VPS13D: variants seen among roughly 807,000 people sequenced by gnomAD.
The protein encoded by VPS13D is intermembrane lipid transfer protein VPS13D.
In VPS13D, 187 loss-of-function variants were observed where a neutral mutation model predicts 461.9. That is an observed-to-expected ratio of 0.40 (90% CI 0.36 to 0.46). The LOEUF is 0.46. Ranked by LOEUF, VPS13D falls within the 20% of genes least tolerant of loss-of-function variation. The pLI is 0.60. For missense variants in VPS13D, 4,711 were observed against 5,364.9 expected, an observed-to-expected ratio of 0.88 and a Z score of 3.81; for synonymous variants, 1,951 against 1,986.3, an observed-to-expected ratio of 0.98 and a Z score of 0.47.
At chr1:12,268,104 C>T (rs1252967042) in intron 15 of VPS13D, among the ~76,000 whole-genome samples, 184 bp downstream of exon 15, 1 of 151,892 alleles carries the variant, frequency 6.6e-6, no homozygotes, top group Non-Finnish European at 1.5e-5. Context: ...TGTGTGCCAC[C>T]ATGTCTGGGT....
intron 67 of VPS13D, among the ~76,000 whole-genome samples, chr1:12,480,419 G>A (rs564187077): frequency 6.6e-6 from 1 of 152,292 alleles, no homozygotes; most frequent in African/African-American, 2.4e-5. Context: ...AGAGGTAGGA[G>A]AAGAGACTAA....
chr1:12,371,433 C>G (rs1275411681), intron 54 of VPS13D, among the ~76,000 whole-genome samples: 1 of 150,764 alleles, frequency 6.6e-6, no homozygotes, highest in South Asian at 2.1e-4. Flanking sequence ...TCTTGTTTCC[C>G]AGGCTGGAGT....
chr1:12,256,200 A>G (rs1405454940), intron 7 of VPS13D, 133 bp from the exon 8 acceptor site: 2 of 1,006,360 alleles, frequency 2.0e-6, no homozygotes, highest in Non-Finnish European at 1.4e-6. Context: ...AACAAAACAG[A>G]CAAAAATATT....
intron 7 of VPS13D, among the ~76,000 whole-genome samples, chr1:12,255,099 C>T (rs966139238): frequency 9.9e-5 from 15 of 151,886 alleles, no homozygotes; most frequent in African/African-American, 3.1e-4. Flanking sequence ...GTGCATGCCA[C>T]CACGCCCAGC....
intron 2 of VPS13D, among the ~76,000 whole-genome samples, chr1:12,238,801 G>A (rs61314476): frequency 0.061 from 9,242 of 151,826 alleles, 447 homozygotes; most frequent in Admixed American, 0.14. Flanking sequence ...ATACCTGGGT[G>A]ATTTTTTATT....
chr1:12,278,520 C>G (rs1176828479), intron 19 of VPS13D, among the ~76,000 whole-genome samples: 3 of 152,324 alleles, frequency 2.0e-5, no homozygotes, highest in African/African-American at 7.2e-5. Context: ...GGTGATCTGC[C>G]TGCCTCGGCC....
intron 60 of VPS13D, among the ~76,000 whole-genome samples, chr1:12,391,756 A>G (rs1044128384): frequency 3.3e-5 from 5 of 152,186 alleles, no homozygotes; most frequent in African/African-American, 9.7e-5. Context: ...CTGTAAATCT[A>G]TGTGATCAAA....
In VPS13D at chr1:12,256,447, A is replaced by T. The variant is rs1397120656; in HGVS notation, c.784A>T (p.Ser262Cys). 1 of 1,614,060 alleles carries T rather than the reference A, an allele frequency of 6.2e-7. No homozygotes were observed. The highest frequency in any genetic ancestry group is 8.5e-7 in the Non-Finnish European group (1 of 1,180,030). ...CSKKPLRSRH[S>C]PRIDCDIQLE... ...CAAGAAGCCCCTGCGGTCTCGGCACAGTCCCCGTATTGATTGTGATATTCA... is the reference window on the plus strand; with the variant it reads ...CAAGAAGCCCCTGCGGTCTCGGCACTGTCCCCGTATTGATTGTGATATTCA... Residue 262 changes from serine (S) to cysteine (C), a missense_variant, in exon 8 of 70, where the codon AGT (serine) becomes TGT (cysteine). By Grantham distance (112) the Ser-to-Cys change is moderately radical. Coordinates refer to ENST00000620676, the MANE Select transcript of VPS13D (RefSeq NM_015378.4).
At chr1:12,329,211 T>A (rs1327163030) in intron 36 of VPS13D, among the ~76,000 whole-genome samples, 2 of 152,298 alleles carry the variant, frequency 1.3e-5, no homozygotes, top group Admixed American at 1.3e-4. Flanking sequence ...ATCTTTTTTT[T>A]ATTTTTTATC....
intron 65 of VPS13D, among the ~76,000 whole-genome samples, chr1:12,429,167 A>G (rs1052781062): frequency 2.0e-5 from 3 of 152,044 alleles, no homozygotes; most frequent in South Asian, 4.2e-4. Context: ...AAGGAAAATT[A>G]AAGTGATCCA....
In VPS13D at chr1:12,232,218, C is replaced by T. The variant is rs564204661; in HGVS notation, c.-76-1973C>T. On this transcript the variant is annotated intron_variant, in intron 1 of 69. Transcript: ENST00000620676. ...ACCAAATGCTGTTTTTTTCTTTTTG[C>T]TGTCACTGTTGACCAATAAAAGTTA... 1.4e-4 allele frequency among the ~76,000 whole-genome samples: 21 copies of T among 151,980 alleles called. 1 individual carries two copies. In the South Asian group the frequency reaches 4.1e-3, roughly 30 times the overall value.
intron 67 of VPS13D, among the ~76,000 whole-genome samples, chr1:12,488,669 C>CAAAAAAAAAAAAAAAAA: frequency 1.2e-5 from 1 of 82,820 alleles, no homozygotes; most frequent in Non-Finnish European, 2.5e-5. Context: ...TCATTTGAAC[C>CAAAAAAAAAAAAAAAAA]AAAAAAAAAA....
rs1460456233 is a variant in VPS13D at position 12,363,091 on chromosome 1, G to A, written c.10292G>A (p.Gly3431Asp). Residue 3431 changes from glycine (G) to aspartate (D), a missense_variant, in exon 52 of 70, where the codon GGT becomes GAT. Transcript: ENST00000620676. ...ARGQGTANPE[G>D]YISTLPGSSV... ...TTTTAGGGAACAGCCAATCCCGAAGGTTACATTTCCACCCTTCCTGGTTCC... is the reference window on the plus strand; with the variant it reads ...TTTTAGGGAACAGCCAATCCCGAAGATTACATTTCCACCCTTCCTGGTTCC... 7 of 1,614,138 alleles carry A rather than the reference G, an allele frequency of 4.3e-6. No individual in the cohort carries two copies. Among genetic ancestry groups the A allele is most frequent in the Non-Finnish European group, 5.9e-6 (7 of 1,180,016 alleles).
intron 9 of VPS13D, 67 bp from the exon 10 acceptor site, chr1:12,257,868 C>T: frequency 6.3e-7 from 1 of 1,583,376 alleles, no homozygotes; most frequent in Admixed American, 1.7e-5. Flanking sequence ...TGTGGATTGT[C>T]CTGGATTGGT....
intron 5 of VPS13D, among the ~76,000 whole-genome samples, chr1:12,246,498 C>T (rs1252674498): frequency 6.6e-6 from 1 of 152,056 alleles, no homozygotes; most frequent in South Asian, 2.1e-4. Context: ...TTTCAAAATC[C>T]CCCCCAAAAA....
rs1158867520 is a variant in VPS13D at position 12,279,988 on chromosome 1, A to G, written c.4602+338A>G. ...GATATCATTCTTGTCACACTTAGAC[A>G]TACTTAACACAGCCAGTGAAACATT... On this transcript the variant is annotated intron_variant, in intron 20 of 69. Transcript: ENST00000620676. This position sits in a 1 kb window ranked among gnomAD's most constrained non-coding sequence, Gnocchi z 4.3. Among the ~76,000 whole-genome samples the G allele has an allele frequency of 6.6e-6, 1 of 152,212 alleles. No homozygotes were observed. Among genetic ancestry groups the G allele is most frequent in the African/African-American group, 2.4e-5 (1 of 41,466 alleles).
At chr1:12,329,776 C>A in intron 36 of VPS13D, 53 bp from the exon 37 acceptor site, 1 of 1,394,276 alleles carries the variant, frequency 7.2e-7, no homozygotes, top group Non-Finnish European at 1.0e-6. Context: ...CAGCAAAAGG[C>A]AGTTTTGGTT....
intron 29 of VPS13D, among the ~76,000 whole-genome samples, chr1:12,313,473 G>A (rs1642812072): frequency 1.3e-5 from 2 of 151,462 alleles, no homozygotes; most frequent in South Asian, 4.2e-4. Context: ...GTCACCCAGC[G>A]ATTTTCTGTG....
chr1:12,440,863 G>A (rs780635754), intron 65 of VPS13D, among the ~76,000 whole-genome samples: 3 of 150,402 alleles, frequency 2.0e-5, no homozygotes, highest in Non-Finnish European at 4.4e-5. Flanking sequence ...GCAACAGAGC[G>A]AGACTCTGCC....
Sources: allele counts gnomAD v4.1 joint callset (sites outside exome capture counted in the v4.1 genomes callset), GRCh38; gene constraint gnomAD v4.1.1; non-coding constraint Gnocchi (gnomAD v3.1); transcripts MANE v1.5; gene names NCBI Gene and HGNC (gene_info 2026-07-23, HGNC 2026-07-21).